Variants in SLC17A2 observed in about 807,000 individuals in gnomAD.
SLC17A2 encodes the protein sodium-dependent phosphate transport protein 3.
SLC17A2 carries 38 observed loss-of-function variants against 52.1 expected under a neutral mutation model. The ratio of observed to expected loss-of-function variants is 0.73; its 90% CI spans 0.56 to 0.96. SLC17A2 has a LOEUF of 0.96. SLC17A2 is among the 40% of genes least tolerant of loss of function. The probability of loss-of-function intolerance (pLI) is 0.00; values close to 1 mark genes in which losing one functional copy is unlikely to be tolerated. For synonymous variants in SLC17A2, 226 were observed against 211.9 expected (o/e 1.07, Z -0.58); for missense variants, 508 against 583.9 (o/e 0.87, Z 1.34).
Position 25,918,567 on chromosome 6 carries a change from G to A in SLC17A2, c.569C>T (p.Ala190Val), listed in dbSNP as rs776083163. The A allele has an allele frequency of 2.5e-6, 4 of 1,610,928 alleles. No individual in the cohort carries two copies. Among genetic ancestry groups the A allele is most frequent in the Non-Finnish European group, 3.4e-6 (4 of 1,177,200 alleles). ...KLTTIAGSGS[A>V]FGSFIILCVG... The stretch of plus-strand genomic sequence containing the variant: ...ACAGAGGATGATGAAGGATCCAAAT[G>A]CTGACCCTAAAGGAAAAAGGGAGAA... Residue 190 changes from alanine to valine, a missense_variant, in exon 6 of 12, where the codon GCA becomes GTA. Coordinates refer to ENST00000377850, the MANE Select transcript of SLC17A2 (RefSeq NM_001286123.3).
intron 10 of SLC17A2, 83 bp from the exon 11 acceptor site, chr6:25,914,753 G>A: frequency 1.3e-6 from 1 of 794,286 alleles, no homozygotes; most frequent in South Asian, 1.6e-5. Context: ...ATGCAATTCA[G>A]CTCTAATGGC....
intron 1 of SLC17A2, among the ~76,000 whole-genome samples, chr6:25,929,024 T>A (rs1376648393): frequency 2.0e-5 from 3 of 152,190 alleles, no homozygotes; most frequent in African/African-American, 7.2e-5. Context: ...GGTTTTTCCC[T>A]TTTTTTAAGT....
At chr6:25,920,018 A>T (rs944063621) in intron 5 of SLC17A2, among the ~76,000 whole-genome samples, 2 of 152,192 alleles carry the variant, frequency 1.3e-5, no homozygotes, top group African/African-American at 4.8e-5. Context: ...GAAAATTCTC[A>T]AGCGGGTGAG....
rs765040990 is a variant in SLC17A2 at position 25,914,704 on chromosome 6, T to C, written c.1212-34A>G. On this transcript the variant is annotated intron_variant, in intron 10 of 11. Coordinates refer to ENST00000377850, the MANE Select transcript of SLC17A2 (RefSeq NM_001286123.3). Reference sequence around the variant, plus strand: ...AGATGATTTTATAAATGATTTTATATAGAAAGCCACCTACAGCTTCTGCAG... The same window carrying C: ...AGATGATTTTATAAATGATTTTATACAGAAAGCCACCTACAGCTTCTGCAG... The C allele has an allele frequency of 1.2e-5, 16 of 1,371,662 alleles. 1 individual carries two copies. In the South Asian group the frequency reaches 1.6e-4, roughly 14 times the overall value. The allele number at this position is 1,371,662 out of a possible 1,614,324, so 85.0% of individuals were successfully genotyped here. A position where few individuals can be genotyped will look rare whatever the true frequency, so the allele number is the denominator to read the frequency against.
intron 10 of SLC17A2, among the ~76,000 whole-genome samples, chr6:25,915,149 G>GTGTA (rs749697702): frequency 3.5e-5 from 2 of 57,850 alleles, no homozygotes; most frequent in Middle Eastern, 7.4e-3. Flanking sequence ...TATTGTGACT[G>GTGTA]TATATATATA....
At chr6:25,923,604 G>A (rs1766638457) in intron 3 of SLC17A2, 91 bp downstream of exon 3, 1 of 936,524 alleles carries the variant, frequency 1.1e-6, no homozygotes, top group Non-Finnish European at 1.7e-6. Flanking sequence ...CATTGGAAAT[G>A]TATACTTCCA....
chr6:25,918,361 C>G (rs975992204), intron 6 of SLC17A2, 126 bp downstream of exon 6: 3 of 659,532 alleles, frequency 4.5e-6, no homozygotes, highest in Non-Finnish European at 8.2e-6. Flanking sequence ...CAACCGTTGA[C>G]ATTTTTTATC....
At position 25,925,873 on chromosome 6, in the gene SLC17A2, CT is replaced by C; in HGVS notation, c.-78del. On this transcript the variant is annotated 5_prime_UTR_variant, in exon 2 of 12. Coordinates refer to ENST00000377850, the MANE Select transcript of SLC17A2 (RefSeq NM_001286123.3). Reference sequence around the variant, plus strand: ...CCTGAATCTCTTTTACTACGACAGTCTTTTATCTATGGAGAGAACATAATCC... The same window carrying C: ...CCTGAATCTCTTTTACTACGACAGTCTTTATCTATGGAGAGAACATAATCC... The C allele has an allele frequency of 7.2e-7, 1 of 1,395,348 alleles. No homozygotes were observed. Among genetic ancestry groups the C allele is most frequent in the Non-Finnish European group, 1.0e-6 (1 of 980,412 alleles). 86.4% of individuals were successfully genotyped at this position (1,395,348 alleles called of 1,614,324 possible).
In SLC17A2 at chr6:25,921,101, G is replaced by T. The variant is rs201590251; in HGVS notation, c.475-8C>A. 3.2e-5 allele frequency: 51 copies of T among 1,613,936 alleles called. No individual in the cohort carries two copies. The highest frequency in any genetic ancestry group is 3.0e-5 in the Non-Finnish European group (35 of 1,179,946). On this transcript the variant is annotated splice_region_variant and splice_polypyrimidine_tract_variant and intron_variant, in intron 4 of 11. Coordinates refer to ENST00000377850, the MANE Select transcript of SLC17A2 (RefSeq NM_001286123.3). ...ACCTGTCCATGCCATTCCCTGAAAT[G>T]AAAATCATTAAGACCTTTGATATTT...
rs1277492835 is a variant in SLC17A2, at chr6:25,923,743, T to C, written c.192A>G (p.Ala64=). 5 of 1,614,230 alleles carry C rather than the reference T, an allele frequency of 3.1e-6. No homozygotes were observed. Among genetic ancestry groups the C allele is most frequent in the Non-Finnish European group, 3.4e-6 (4 of 1,180,034 alleles). ...LSNASTEGPV[A]DAFNNSSISI... is the part of the protein sequence containing the mutation. ...ATATGCTGGAGTTATTGAAGGCATC[T>C]GCAACAGGCCCCTCAGTGGAGGCAT... is the stretch of plus-strand genomic sequence containing the variant. Residue 64 remains alanine, a synonymous_variant, in exon 3 of 12, where the codon GCA becomes GCG. Coordinates refer to ENST00000377850, the MANE Select transcript of SLC17A2 (RefSeq NM_001286123.3).
Position 25,921,432 on chromosome 6 carries a change from A to G in SLC17A2, c.241-20T>C. ...AGAGGCCTGGGGGAAAAATAGGAAAACTCTTTGTCAAGAAGTCCTATTATG... is the reference window on the plus strand; with the variant it reads ...AGAGGCCTGGGGGAAAAATAGGAAAGCTCTTTGTCAAGAAGTCCTATTATG... On this transcript the variant is annotated intron_variant, in intron 3 of 11. Transcript: ENST00000377850. 5.8e-6 allele frequency: 9 copies of G among 1,557,860 alleles called. No individual in the cohort carries two copies. Among genetic ancestry groups the G allele is most frequent in the Non-Finnish European group, 8.0e-6 (9 of 1,131,594 alleles).
chr6:25,913,453 T>C lies in SLC17A2; in HGVS notation c.1303-2A>G. ...ATTCCTCCAACCAGACTCAAAATCC[T>C]AGATGTAAAAAACAGAGAAAATGAT... On this transcript the variant is annotated splice_acceptor_variant, in intron 11 of 11. Coordinates refer to ENST00000377850, the MANE Select transcript of SLC17A2 (RefSeq NM_001286123.3). LOFTEE classifies it high-confidence loss of function. The C allele has an allele frequency of 6.2e-7, 1 of 1,613,660 alleles. No individual in the cohort carries two copies. The highest frequency in any genetic ancestry group is 8.5e-7 in the Non-Finnish European group (1 of 1,179,714).
In SLC17A2 at chr6:25,916,827, G is replaced by GCTT. The variant is rs750735293; in HGVS notation, c.787_788insAAG (p.Arg262_Ala263insGlu). On this transcript the variant is annotated inframe_insertion, in exon 8 of 12. Transcript: ENST00000377850. ...TGTGACCATCGCCTTTATGGGGACA[G>GCTT]CTCGTCCAGGAGAACTGGGCTGAAA... 6.2e-7 allele frequency: 1 copy of GCTT among 1,614,138 alleles called. No individual in the cohort carries two copies. The highest frequency in any genetic ancestry group is 2.2e-5 in the East Asian group (1 of 44,886).
In SLC17A2 at chr6:25,923,763, A is replaced by T. The variant is rs770961354; in HGVS notation, c.172T>A (p.Ser58Thr). The T allele has an allele frequency of 6.2e-7, 1 of 1,614,010 alleles. No individual in the cohort carries two copies. The highest frequency in any genetic ancestry group is 8.5e-7 in the Non-Finnish European group (1 of 1,180,018). The stretch of plus-strand genomic sequence containing the variant: ...GCATCTGCAACAGGCCCCTCAGTGG[A>T]GGCATTAGATAGACCTTGCTGCTGA... ...TTQQQGLSNA[S>T]TEGPVADAFN... is the part of the protein sequence containing the mutation. The change falls in exon 3 of 12, where the codon TCC becomes ACC. Residue 58 changes from serine to threonine, a missense_variant. By Grantham distance (58) the Ser-to-Thr change is moderately conservative (BLOSUM62 1). Transcript: ENST00000377850.
At chr6:25,925,329 C>T (rs972486388) in intron 2 of SLC17A2, among the ~76,000 whole-genome samples, 29 of 151,948 alleles carry the variant, frequency 1.9e-4, no homozygotes, top group African/African-American at 5.1e-4. Flanking sequence ...CTGGCTAACA[C>T]GGCGAAACTC....
In SLC17A2 at chr6:25,914,454, G is replaced by A. The variant is rs143966034; in HGVS notation, c.1302+126C>T. 509 of 657,260 alleles carry A rather than the reference G, an allele frequency of 7.7e-4. 2 individuals are homozygous for A. The highest frequency in any genetic ancestry group is 2.2e-3 in the South Asian group (122 of 54,896). 40.7% of individuals were successfully genotyped at this position (657,260 alleles called of 1,614,324 possible). On this transcript the variant is annotated intron_variant, in intron 11 of 11. Coordinates refer to ENST00000377850, the MANE Select transcript of SLC17A2 (RefSeq NM_001286123.3). ...CCTCTGGGAAATCTGACCTACCAGAGTCTGATTTAGAGGCTCATGTAAATA... is the reference window on the plus strand; with the variant it reads ...CCTCTGGGAAATCTGACCTACCAGAATCTGATTTAGAGGCTCATGTAAATA...
chr6:25,927,221 G>A (rs994589158), intron 1 of SLC17A2, among the ~76,000 whole-genome samples: 5 of 152,200 alleles, frequency 3.3e-5, no homozygotes, highest in Admixed American at 3.3e-4. Flanking sequence ...GAAAGGCATA[G>A]ATGAAAAATT....
chr6:25,922,757 A>G (rs1225470678), intron 3 of SLC17A2, among the ~76,000 whole-genome samples: 2 of 152,250 alleles, frequency 1.3e-5, no homozygotes, highest in African/African-American at 4.8e-5. Flanking sequence ...TGGTTTTCAT[A>G]TAAATGTAAA....
chr6:25,915,149 G>GTATATATATATATATATATATA lies in SLC17A2; in HGVS notation c.1211+328_1211+349dup, dbSNP rs59580107. On this transcript the variant is annotated intron_variant, in intron 10 of 11. Coordinates refer to ENST00000377850, the MANE Select transcript of SLC17A2 (RefSeq NM_001286123.3). Reference sequence around the variant, plus strand: ...GCACAGGAGCTGGCTTATTGTGACTGTATATATATATATATATATATATAT... The same window carrying GTATATATATATATATATATATA: ...GCACAGGAGCTGGCTTATTGTGACTGTATATATATATATATATATATATATATATATATATATATATATATAT... 6.4e-3 allele frequency among the ~76,000 whole-genome samples: 372 copies of GTATATATATATATATATATATA among 57,754 alleles called. 36 individuals are homozygous for GTATATATATATATATATATATA. Among genetic ancestry groups the GTATATATATATATATATATATA allele is most frequent in the Non-Finnish European group, 8.6e-3 (212 of 24,524 alleles). 37.9% of individuals were successfully genotyped at this position (57,754 alleles called of 152,430 possible).
Sources: gnomAD v4.1 joint callset for allele counts (sites outside exome capture counted in the v4.1 genomes callset) on GRCh38, gnomAD v4.1.1 for gene constraint, MANE v1.5 for transcripts, NCBI Gene and HGNC (gene_info 2026-07-23, HGNC 2026-07-21) for gene names.